Variants in MYH13 observed in about 807,000 individuals in gnomAD.
MYH13 encodes myosin-13.
A neutral mutation model predicts 232.1 loss-of-function variants in MYH13; 177 were observed. The observed-to-expected ratio is 0.76, with a 90% CI of 0.67 to 0.86. The LOEUF (loss-of-function observed/expected upper bound fraction) is 0.86, where lower values mean the gene tolerates loss of function less well. Among genes scored for constraint, MYH13 ranks in the 40% least tolerant of loss-of-function variants. The pLI is 0.00. For missense variants in MYH13, 2,246 were observed against 2,405.9 expected (o/e 0.93, Z 1.39); for synonymous variants, 884 against 923.5 (o/e 0.96, Z 0.78).
At chr17:10,303,137 C>T (rs1363982511) in intron 39 of MYH13, 59 bp downstream of exon 39, 5 of 1,497,074 alleles carry the variant, frequency 3.3e-6, no homozygotes, top group Non-Finnish European at 4.6e-6. Flanking sequence ...GGCGGGGACA[C>T]CCAGGATGCC....
intron 21 of MYH13, 33 bp from the exon 22 acceptor site, chr17:10,328,154 C>A: frequency 1.2e-6 from 2 of 1,607,304 alleles, no homozygotes; most frequent in Non-Finnish European, 8.5e-7. Context: ...ATTAATAAAT[C>A]CAGCAAGGTC....
chr17:10,309,541 G>C lies in MYH13; in HGVS notation c.4946C>G (p.Thr1649Arg). 1 of 1,610,858 alleles carries C rather than the reference G, an allele frequency of 6.2e-7. No individual in the cohort carries two copies. The highest frequency in any genetic ancestry group is 1.1e-5 in the South Asian group (1 of 90,574). ...GCTCACCTTGAGCTGGCCCTGGACC[G>C]TGCGCAGATGCTTCTGGGTCTCTGC... Reference protein sequence around the residue: ...QMAETQKHLRTVQGQLKDSQL... With the variant: ...QMAETQKHLRRVQGQLKDSQL... The change falls in exon 34 of 41, where the codon ACG becomes AGG. Residue 1649 changes from threonine to arginine, a missense_variant. By Grantham distance (71) the Thr-to-Arg change is moderately conservative (BLOSUM62 -1). Transcript: ENST00000252172.
chr17:10,309,392 G>A lies in MYH13; in HGVS notation c.5011C>T (p.Leu1671Phe), dbSNP rs754693958. ...LDDALRSNEDLKEQLAIVERR... is the reference protein window; with the variant it reads ...LDDALRSNEDFKEQLAIVERR... ...TCCACGATGGCCAGCTGCTCCTTGA[G>A]GTCCTCATTGCTCCTCAGGGCGTCA... The change falls in exon 35 of 41, where the codon CTC becomes TTC. Residue 1671 changes from leucine (L) to phenylalanine (F), a missense_variant. Transcript: ENST00000252172. 1.9e-6 allele frequency: 3 copies of A among 1,610,872 alleles called. No homozygotes were observed. Among genetic ancestry groups the A allele is most frequent in the Non-Finnish European group, 2.5e-6 (3 of 1,178,540 alleles).
rs201677244 is a variant in MYH13 at position 10,343,204 on chromosome 17, A to ATT, written c.1894+594_1894+595dup. ...TTGTGAATATCCTAAAAACCACTAA[A>ATT]TTTTTTTTTTTTTAATAGAGTCTCA... On this transcript the variant is annotated intron_variant, in intron 16 of 40. Transcript: ENST00000252172. 7.1e-4 allele frequency among the ~76,000 whole-genome samples: 105 copies of ATT among 147,244 alleles called. 2 individuals carry two copies. Among genetic ancestry groups the ATT allele is most frequent in the African/African-American group, 2.5e-3 (102 of 40,228 alleles).
intron 32 of MYH13, among the ~76,000 whole-genome samples, chr17:10,311,468 G>A (rs888171151): frequency 4.6e-5 from 7 of 152,140 alleles, no homozygotes; most frequent in African/African-American, 1.4e-4. Context: ...TATACAAAAC[G>A]GTCATAGAGA....
chr17:10,307,263 A>G (rs958536641), intron 35 of MYH13, among the ~76,000 whole-genome samples, 199 bp from the exon 36 acceptor site: 1 of 152,240 alleles, frequency 6.6e-6, no homozygotes, highest in African/African-American at 2.4e-5. Flanking sequence ...AGACCCAAGA[A>G]TTGTACATGA....
chr17:10,325,738 G>A (rs549135968), intron 22 of MYH13, among the ~76,000 whole-genome samples: 30 of 152,184 alleles, frequency 2.0e-4, no homozygotes, highest in South Asian at 4.2e-4. Flanking sequence ...GTGCAGTGGC[G>A]CGATCTCGGC....
rs557658587 is a variant in MYH13, at chr17:10,305,874, A to G, written c.5466+585T>C. Among the ~76,000 whole-genome samples the G allele has an allele frequency of 3.4e-4, 52 of 152,318 alleles. No homozygotes were observed. The South Asian group carries it at 7.9e-3, about 23-fold the overall frequency. On this transcript the variant is annotated intron_variant, in intron 37 of 40. Coordinates refer to ENST00000252172, the MANE Select transcript of MYH13 (RefSeq NM_003802.3). ...TTGAACTTTGCTGGTGCATCAAGCT[A>G]AAGGAAGAAGCCCCGATCGCCCTCT...
chr17:10,320,230 G>A lies in MYH13; in HGVS notation c.3271C>T (p.Leu1091Phe), dbSNP rs763892093. The change falls in exon 26 of 41, where the codon CTC becomes TTC. Residue 1091 changes from leucine (L) to phenylalanine (F), a missense_variant. Physicochemically the swap from Leu to Phe is conservative, Grantham distance 22 (BLOSUM62 0). Transcript: ENST00000252172. The stretch of plus-strand genomic sequence containing the variant: ...TCTATTTTGGCTTGTAACTGACTGA[G>A]TTCAAACTCCTTCCTGCAAATAGAT... ...EEKLKKKEFELSQLQAKIDDE... is the reference protein window; with the variant it reads ...EEKLKKKEFEFSQLQAKIDDE... 2.7e-5 allele frequency: 44 copies of A among 1,603,920 alleles called. No homozygotes were observed. Among genetic ancestry groups the A allele is most frequent in the Non-Finnish European group, 3.6e-5 (42 of 1,175,114 alleles).
At chr17:10,363,315 C>CAAAAA (rs11390504) in intron 3 of MYH13, among the ~76,000 whole-genome samples, 6 of 91,738 alleles carry the variant, frequency 6.5e-5, no homozygotes, top group African/African-American at 1.9e-4. Flanking sequence ...GACTCCGTCT[C>CAAAAA]AAAAAAAAAA....
intron 20 of MYH13, 144 bp from the exon 21 acceptor site, chr17:10,330,667 C>T (rs1907381514): frequency 1.7e-6 from 2 of 1,195,164 alleles, no homozygotes; most frequent in Non-Finnish European, 2.3e-6. Flanking sequence ...GGACTTGCTT[C>T]TCGGTGGCTC....
Position 10,303,481 on chromosome 17 carries a change from AT to A in MYH13, c.5483del (p.Asn1828MetfsTer14). ...CCCTCTTCTGTTCCACATCAAGCTC[AT>A]TTTCCAGCTCCCGCACCTGAGTAGG... is the stretch of plus-strand genomic sequence containing the variant. ...KLENRVRELE[N>X]ELDVEQKRGA... On this transcript the variant is annotated frameshift_variant, in exon 38 of 41. Coordinates refer to ENST00000252172, the MANE Select transcript of MYH13 (RefSeq NM_003802.3). LOFTEE classifies it high-confidence loss of function. The A allele has an allele frequency of 6.2e-7, 1 of 1,613,780 alleles. No individual in the cohort carries two copies. Among genetic ancestry groups the A allele is most frequent in the Non-Finnish European group, 8.5e-7 (1 of 1,179,862 alleles).
At chr17:10,370,017 C>T (rs2071866449) in intron 2 of MYH13, among the ~76,000 whole-genome samples, 1 of 152,228 alleles carries the variant, frequency 6.6e-6, no homozygotes, top group Admixed American at 6.5e-5. Context: ...TCAACTTCCA[C>T]TGGTTCTTCT....
chr17:10,320,015 T>C (rs540328191), intron 26 of MYH13, 138 bp downstream of exon 26: 1 of 690,244 alleles, frequency 1.4e-6, no homozygotes, highest in East Asian at 2.7e-5. Flanking sequence ...TTTCAAAAAC[T>C]AAAGGAAATG....
chr17:10,340,869 G>A (rs569613078), intron 16 of MYH13, among the ~76,000 whole-genome samples: 69 of 152,094 alleles, frequency 4.5e-4, no homozygotes, highest in African/African-American at 1.6e-3. Context: ...TGTGGGAATG[G>A]GGTGGGAATG....
intron 31 of MYH13, 138 bp downstream of exon 31, chr17:10,312,436 G>A (rs957294118): frequency 5.0e-5 from 52 of 1,029,944 alleles, no homozygotes; most frequent in Admixed American, 3.5e-4. Context: ...ACATCTAAGC[G>A]TGAAACTGTT....
At chr17:10,367,113 T>G (rs1385122064) in intron 2 of MYH13, among the ~76,000 whole-genome samples, 1 of 152,228 alleles carries the variant, frequency 6.6e-6, no homozygotes, top group South Asian at 2.1e-4. Flanking sequence ...TCTTTGAAGA[T>G]AGTCCCTAAT....
Position 10,362,154 on chromosome 17 carries a change from A to C in MYH13, c.469T>G (p.Ser157Ala). The C allele has an allele frequency of 6.2e-7, 1 of 1,613,938 alleles. No homozygotes were observed. The change falls in exon 5 of 41, where the codon TCC (serine) becomes GCC (alanine). Residue 157 changes from serine to alanine, a missense_variant. Transcript: ENST00000252172. ...KRQEAPPHIF[S>A]ISDNAYQFML... ...AACTGATAGGCATTGTCAGAGATGG[A>C]GAAGATGTGGGGCGGGGCCTCCTGG...
intron 30 of MYH13, 86 bp from the exon 31 acceptor site, chr17:10,312,843 C>A: frequency 7.1e-7 from 1 of 1,416,362 alleles, no homozygotes; most frequent in Non-Finnish European, 9.5e-7. Flanking sequence ...AAATGAATAG[C>A]GTGGAAGGGA....
Sources: allele counts gnomAD v4.1 joint callset (sites outside exome capture counted in the v4.1 genomes callset), GRCh38; gene constraint gnomAD v4.1.1; transcripts MANE v1.5; gene names NCBI Gene and HGNC (gene_info 2026-07-23, HGNC 2026-07-21).